Variants in KCTD1 observed in about 807,000 individuals in gnomAD.
The protein encoded by KCTD1 is potassium channel tetramerization domain containing 1, also known as BTB/POZ domain-containing protein KCTD1.
In KCTD1, 24 loss-of-function variants were observed where a neutral mutation model predicts 66.0. That is an observed-to-expected ratio of 0.36 (90% CI 0.26 to 0.51). The LOEUF (loss-of-function observed/expected upper bound fraction) is 0.51. Among genes scored for constraint, KCTD1 ranks in the 20% least tolerant of loss-of-function variants. The probability of loss-of-function intolerance (pLI) is 0.95; values close to 1 mark genes in which losing one functional copy is unlikely to be tolerated. For synonymous variants in KCTD1, 511 were observed against 517.2 expected (o/e 0.99, Z 0.16); for missense variants, 943 against 1,205.2 (o/e 0.78, Z 3.22).
chr18:26,540,502 G>C (rs1007736532), intron 1 of KCTD1, among the ~76,000 whole-genome samples: 5 of 152,106 alleles, frequency 3.3e-5, no homozygotes, highest in Non-Finnish European at 5.9e-5. Context: ...GTCACACCAA[G>C]TGTGCCTGCC....
intron 1 of KCTD1, among the ~76,000 whole-genome samples, chr18:26,602,325 T>C (rs1253313511): frequency 1.3e-5 from 2 of 152,228 alleles, no homozygotes; most frequent in Non-Finnish European, 2.9e-5. Context: ...CATGGTTTCA[T>C]ATATTGCTGG....
intron 1 of KCTD1, among the ~76,000 whole-genome samples, chr18:26,592,529 C>A (rs576750927): frequency 3.3e-5 from 5 of 152,318 alleles, no homozygotes; most frequent in African/African-American, 1.2e-4. Flanking sequence ...TGCATGCATA[C>A]TCACCTCTAT....
At chr18:26,480,768 A>C (rs1567962306) in intron 2 of KCTD1, among the ~76,000 whole-genome samples, 1 of 149,896 alleles carries the variant, frequency 6.7e-6, no homozygotes, top group South Asian at 2.1e-4. Flanking sequence ...CTTTGTCTTA[A>C]AAAAAAAAAA....
At chr18:26,494,827 C>T (rs1056333099) in intron 2 of KCTD1, among the ~76,000 whole-genome samples, 1 of 152,046 alleles carries the variant, frequency 6.6e-6, no homozygotes, top group Non-Finnish European at 1.5e-5. Context: ...AAAGATTAAC[C>T]CATCTTGCCA....
At position 26,468,841 on chromosome 18, in the gene KCTD1, T is replaced by C. The variant is rs1167261001; in HGVS notation, c.2133+7674A>G. On this transcript the variant is annotated intron_variant, in intron 3 of 4. Transcript: ENST00000580059. The surrounding 1 kb of genome is among the most constrained non-coding windows in gnomAD (Gnocchi z 4.8). ...CAGCCTGGGCGACAGAGCAAGACTT[T>C]GTCTCAAAGAAACCAAAAAACCCCA... Among the ~76,000 whole-genome samples, 1 of 152,082 alleles carries C rather than the reference T, an allele frequency of 6.6e-6. No individual in the cohort carries two copies. The highest frequency in any genetic ancestry group is 1.9e-4 in the East Asian group (1 of 5,188).
At chr18:26,652,240 TGAC>T (rs1988050818) in intron 1 of KCTD1, among the ~76,000 whole-genome samples, 1 of 152,234 alleles carries the variant, frequency 6.6e-6, no homozygotes, top group Admixed American at 6.5e-5. Context: ...GTTAGAGAGA[TGAC>T]ATCGTTCCCA....
At chr18:26,513,871 A>G (rs921253377) in intron 1 of KCTD1, among the ~76,000 whole-genome samples, 5 of 152,248 alleles carry the variant, frequency 3.3e-5, no homozygotes, top group Admixed American at 1.3e-4. Flanking sequence ...TGAGTGCAAA[A>G]AAGAGCTAAC....
intron 3 of KCTD1, among the ~76,000 whole-genome samples, chr18:26,461,146 T>TTTTTA (rs1202510090): frequency 6.6e-6 from 1 of 152,218 alleles, no homozygotes; most frequent in Non-Finnish European, 1.5e-5. Flanking sequence ...GGGATAAATA[T>TTTTTA]TTTTATTTTG....
chr18:26,611,279 G>A (rs1356647988), intron 1 of KCTD1, among the ~76,000 whole-genome samples: 3 of 151,852 alleles, frequency 2.0e-5, no homozygotes, highest in African/African-American at 7.3e-5. Flanking sequence ...CTAGAAGCTT[G>A]ATTTGCCTCA....
chr18:26,608,254 T>C (rs1355362841), intron 1 of KCTD1, among the ~76,000 whole-genome samples: 1 of 152,256 alleles, frequency 6.6e-6, no homozygotes, highest in Non-Finnish European at 1.5e-5. Context: ...CTTACACTGT[T>C]TGATCTCTTG....
intron 1 of KCTD1, among the ~76,000 whole-genome samples, chr18:26,579,265 TCACA>T (rs74670208): frequency 0.02 from 2,989 of 150,816 alleles, 71 homozygotes; most frequent in African/African-American, 0.067. Flanking sequence ...TTTCTCACCC[TCACA>T]CACACACACA....
chr18:26,508,300 C>T (rs1355228548), intron 1 of KCTD1, among the ~76,000 whole-genome samples: 1 of 152,144 alleles, frequency 6.6e-6, no homozygotes, highest in Non-Finnish European at 1.5e-5. Flanking sequence ...AACAGAGGAG[C>T]AATGATTTTT....
At chr18:26,488,220 T>A (rs1427697529) in intron 2 of KCTD1, among the ~76,000 whole-genome samples, 3 of 152,110 alleles carry the variant, frequency 2.0e-5, no homozygotes, top group Non-Finnish European at 4.4e-5. Context: ...TAGGTTTCCT[T>A]GGTTGATACA....
At chr18:26,533,787 A>G (rs1984559593) in intron 1 of KCTD1, among the ~76,000 whole-genome samples, 1 of 149,722 alleles carries the variant, frequency 6.7e-6, no homozygotes, top group Non-Finnish European at 1.5e-5. Flanking sequence ...GGTATGAGCC[A>G]CCACTCCTGG....
chr18:26,522,395 A>T (rs1256864883), intron 1 of KCTD1, among the ~76,000 whole-genome samples: 2 of 152,182 alleles, frequency 1.3e-5, no homozygotes, highest in African/African-American at 4.8e-5. Context: ...AGCTAGGAAG[A>T]ATCATGAAAC....
intron 1 of KCTD1, among the ~76,000 whole-genome samples, chr18:26,513,495 T>C (rs181895064): frequency 2.0e-5 from 3 of 152,322 alleles, no homozygotes; most frequent in Admixed American, 2.0e-4. Context: ...AGCAAACTAT[T>C]TGTGGCACTT....
chr18:26,459,999 G>T, intron 3 of KCTD1, 74 bp from the exon 4 acceptor site: 1 of 1,131,342 alleles, frequency 8.8e-7, no homozygotes, highest in Non-Finnish European at 1.2e-6. Context: ...TCTAAGAGGT[G>T]ATTTTTTTCC....
At chr18:26,515,945 A>T (rs1384636046) in intron 1 of KCTD1, among the ~76,000 whole-genome samples, 1 of 152,144 alleles carries the variant, frequency 6.6e-6, no homozygotes, top group Non-Finnish European at 1.5e-5. Flanking sequence ...ATGTTTTTTT[A>T]AAGCAAAAGA....
intron 2 of KCTD1, among the ~76,000 whole-genome samples, chr18:26,493,316 G>T (rs1470533023): frequency 2.6e-5 from 4 of 152,176 alleles, no homozygotes; most frequent in African/African-American, 9.7e-5. Context: ...AGTGTGATTT[G>T]TGATAGTGAC....
Sources: allele counts gnomAD v4.1 joint callset (sites outside exome capture counted in the v4.1 genomes callset), GRCh38; gene constraint gnomAD v4.1.1; non-coding constraint Gnocchi (gnomAD v3.1); transcripts MANE v1.5; gene names NCBI Gene and HGNC (gene_info 2026-07-23, HGNC 2026-07-21).